Variants in TRPM3 observed in about 807,000 individuals in gnomAD.
TRPM3 encodes the protein long transient receptor potential channel 3.
In TRPM3, 77 loss-of-function variants were observed where a neutral mutation model predicts 181.2. The ratio of observed to expected loss-of-function variants is 0.42; its 90% CI spans 0.35 to 0.51. The LOEUF is 0.51. TRPM3 is among the 20% of genes least tolerant of loss of function. The probability of loss-of-function intolerance (pLI) is 0.01; values close to 1 mark genes in which losing one functional copy is unlikely to be tolerated. For missense variants in TRPM3, 1,759 were observed against 2,196.7 expected (o/e 0.80, Z 3.98); for synonymous variants, 745 against 796.4 (o/e 0.94, Z 1.09).
chr9:71,101,041 T>G (rs2068273367), intron 1 of TRPM3, among the ~76,000 whole-genome samples: 1 of 152,108 alleles, frequency 6.6e-6, no homozygotes, highest in Non-Finnish European at 1.5e-5. Context: ...TAAATAAACC[T>G]TTCTTCTGGG....
At chr9:70,904,942 G>A (rs1198321082) in intron 1 of TRPM3, among the ~76,000 whole-genome samples, 1 of 152,160 alleles carries the variant, frequency 6.6e-6, no homozygotes, top group Non-Finnish European at 1.5e-5. Context: ...TGATCCCCGA[G>A]TCTCATAACA....
intron 1 of TRPM3, among the ~76,000 whole-genome samples, chr9:70,878,042 CTGACT>C (rs1397329826): frequency 2.6e-5 from 4 of 151,942 alleles, no homozygotes; most frequent in African/African-American, 9.7e-5. Flanking sequence ...ACATTAAATA[CTGACT>C]TGACTTGAGG....
chr9:71,426,373 C>T (rs183080328), intron 1 of TRPM3, among the ~76,000 whole-genome samples: 23 of 151,416 alleles, frequency 1.5e-4, no homozygotes, highest in African/African-American at 5.3e-4. Flanking sequence ...TACATATTAC[C>T]TAACTTGTTT....
chr9:70,589,412 C>T (rs1326620770), intron 22 of TRPM3, among the ~76,000 whole-genome samples: 2 of 152,146 alleles, frequency 1.3e-5, no homozygotes, highest in African/African-American at 2.4e-5. Flanking sequence ...TCAAAACTTC[C>T]CTGGGGGCTT....
intron 1 of TRPM3, among the ~76,000 whole-genome samples, chr9:71,371,998 T>C (rs1205139519): frequency 6.6e-6 from 1 of 152,080 alleles, no homozygotes; most frequent in Non-Finnish European, 1.5e-5. Flanking sequence ...CCCCCACAGG[T>C]GCCCAGTGTG....
intron 10 of TRPM3, among the ~76,000 whole-genome samples, chr9:70,639,976 A>T (rs894331661): frequency 6.6e-6 from 1 of 152,152 alleles, no homozygotes; most frequent in Non-Finnish European, 1.5e-5. Flanking sequence ...CCTCCTGTGG[A>T]TGCATACATA....
chr9:71,270,818 T>C (rs2083731947), intron 1 of TRPM3, among the ~76,000 whole-genome samples: 1 of 152,202 alleles, frequency 6.6e-6, no homozygotes, highest in Non-Finnish European at 1.5e-5. Context: ...CTCTGCCTTG[T>C]TCCTTCAGAT....
chr9:70,945,213 T>TG (rs2133607362), intron 1 of TRPM3, among the ~76,000 whole-genome samples: 1 of 152,316 alleles, frequency 6.6e-6, no homozygotes, highest in African/African-American at 2.4e-5. Context: ...CTCATGCCCC[T>TG]GCCCGGCCAG....
chr9:70,917,568 T>TTTTTTTTTTTTGAGACGG (rs1325904553), intron 1 of TRPM3: 1 of 595,202 alleles, frequency 1.7e-6, no homozygotes, highest in African/African-American at 1.9e-5. Flanking sequence ...GTTAAGTTGT[T>TTTTTTTTTTTTGAGACGG]ATATCAACTT....
At chr9:70,964,489 A>G (rs1463943203) in intron 1 of TRPM3, among the ~76,000 whole-genome samples, 1 of 152,040 alleles carries the variant, frequency 6.6e-6, no homozygotes, top group African/African-American at 2.4e-5. Context: ...TCATTTCCCT[A>G]GATAACTGGT....
At chr9:71,000,482 C>G (rs1230384999) in intron 1 of TRPM3, among the ~76,000 whole-genome samples, 2 of 152,170 alleles carry the variant, frequency 1.3e-5, no homozygotes, top group Admixed American at 6.5e-5. Context: ...TAAGTGTTAA[C>G]GTATATATAA....
At chr9:70,819,088 A>C (rs1197729109) in intron 6 of TRPM3, among the ~76,000 whole-genome samples, 1 of 152,226 alleles carries the variant, frequency 6.6e-6, no homozygotes, top group African/African-American at 2.4e-5. Flanking sequence ...TTTAGAAAAA[A>C]CAAAAAGAAA....
intron 1 of TRPM3, among the ~76,000 whole-genome samples, chr9:71,198,039 A>G (rs2078509014): frequency 1.3e-5 from 2 of 150,080 alleles, no homozygotes; most frequent in Admixed American, 6.7e-5. Context: ...ATCTTGAATT[A>G]ATTTTTGTAT....
At chr9:70,549,107 G>A (rs1005062464) in intron 25 of TRPM3, among the ~76,000 whole-genome samples, 3 of 152,138 alleles carry the variant, frequency 2.0e-5, no homozygotes, top group Non-Finnish European at 4.4e-5. Context: ...TTATTCAGAA[G>A]GTGTTGGGCA....
intron 1 of TRPM3, among the ~76,000 whole-genome samples, chr9:70,900,331 ACT>A (rs1212149797): frequency 6.6e-6 from 1 of 152,060 alleles, no homozygotes; most frequent in African/African-American, 2.4e-5. Context: ...ACAGAGTGAG[ACT>A]CTGTCTCAAA....
At position 70,576,321 on chromosome 9, in the gene TRPM3, C is replaced by T. The variant is rs190818105; in HGVS notation, c.3223+14710G>A. Among the ~76,000 whole-genome samples, 132 of 152,260 alleles carry T rather than the reference C, an allele frequency of 8.7e-4. 3 individuals carry two copies. Among genetic ancestry groups the T allele is most frequent in the African/African-American group, 2.9e-3 (122 of 41,572 alleles). On this transcript the variant is annotated intron_variant, in intron 22 of 25. Coordinates refer to ENST00000677713, the MANE Select transcript of TRPM3 (RefSeq NM_001366145.2). Reference sequence around the variant, plus strand: ...GATTCTCTATCTTCCTGACCATCAACCTTTGGCAGTGCACTGTGTCTTGAA... The same window carrying T: ...GATTCTCTATCTTCCTGACCATCAATCTTTGGCAGTGCACTGTGTCTTGAA...
intron 1 of TRPM3, among the ~76,000 whole-genome samples, chr9:70,932,388 C>T (rs1173922520): frequency 6.6e-6 from 1 of 152,088 alleles, no homozygotes; most frequent in African/African-American, 2.4e-5. Flanking sequence ...CTTCTAGGCA[C>T]TGTACTACTC....
At chr9:71,169,284 T>A (rs543153199) in intron 1 of TRPM3, among the ~76,000 whole-genome samples, 1 of 152,308 alleles carries the variant, frequency 6.6e-6, no homozygotes, top group South Asian at 2.1e-4. Flanking sequence ...AATGTGACCC[T>A]CAGGCCTCCA....
rs527542426 is a variant in TRPM3 at position 71,388,168 on chromosome 9, A to G, written c.183+58485T>C. 2.2e-4 allele frequency among the ~76,000 whole-genome samples: 33 copies of G among 152,330 alleles called. 1 individual carries two copies. Among genetic ancestry groups the G allele is most frequent in the African/African-American group, 7.9e-4 (33 of 41,586 alleles). On this transcript the variant is annotated intron_variant, in intron 1 of 24. Transcript: ENST00000357533. ...GGAACGACCAGTTATATGATGAGCT[A>G]AGAGGAAAAAACTTTCCTTGAAGCT...
Sources: gnomAD v4.1 joint callset for allele counts (sites outside exome capture counted in the v4.1 genomes callset) on GRCh38, gnomAD v4.1.1 for gene constraint, MANE v1.5 for transcripts, NCBI Gene and HGNC (gene_info 2026-07-23, HGNC 2026-07-21) for gene names.